Variants in CTSC observed in about 807,000 individuals in gnomAD.
The protein encoded by CTSC is dipeptidyl peptidase 1.
Under a neutral mutation model 40.9 loss-of-function variants are expected in CTSC, and 37 were observed. The ratio of observed to expected loss-of-function variants is 0.91; its 90% CI spans 0.70 to 1.19. CTSC has a LOEUF of 1.19. Among genes scored for constraint, CTSC ranks in the 50% most tolerant of loss-of-function variants. The pLI, the probability that CTSC is intolerant of heterozygous loss-of-function variation, is 0.00. For missense variants in CTSC, 594 were observed against 567.3 expected (o/e 1.05, Z -0.48); for synonymous variants, 232 against 207.4 (o/e 1.12, Z -1.02).
chr11:88,311,647 C>G (rs1427271824), intron 3 of CTSC, among the ~76,000 whole-genome samples: 1 of 152,078 alleles, frequency 6.6e-6, no homozygotes, highest in Non-Finnish European at 1.5e-5. Context: ...AAATTCTAAC[C>G]CCCTGTATCA....
At chr11:88,322,826 A>C (rs1436714996) in intron 2 of CTSC, 1 of 152,186 alleles carries the variant, frequency 6.6e-6, no homozygotes, top group Non-Finnish European at 1.5e-5. Context: ...TTACAGTTGA[A>C]TTCTACCAGA....
At chr11:88,327,987 T>C (rs1369168780) in intron 2 of CTSC, 2 of 738,156 alleles carry the variant, frequency 2.7e-6, no homozygotes, top group African/African-American at 3.5e-5. Flanking sequence ...AAGAAATTCA[T>C]AAGAAAACCA....
At chr11:88,312,283 C>T in intron 3 of CTSC, 105 bp downstream of exon 3, 1 of 1,110,796 alleles carries the variant, frequency 9.0e-7, no homozygotes, top group Non-Finnish European at 1.4e-6. Context: ...TATTTCTAAG[C>T]CAAAGATATT....
intron 2 of CTSC, among the ~76,000 whole-genome samples, chr11:88,315,432 T>G (rs1209187513): frequency 6.6e-6 from 1 of 152,222 alleles, no homozygotes; most frequent in Non-Finnish European, 1.5e-5. Flanking sequence ...AGGAATAATG[T>G]GTAACATTGT....
chr11:88,334,396 C>G (rs1347939082), intron 2 of CTSC, among the ~76,000 whole-genome samples: 1 of 152,178 alleles, frequency 6.6e-6, no homozygotes, highest in Non-Finnish European at 1.5e-5. Flanking sequence ...ACTTGGCTAC[C>G]TTTCACTTTA....
chr11:88,308,438 A>G (rs1238789268), intron 4 of CTSC, among the ~76,000 whole-genome samples: 1 of 152,122 alleles, frequency 6.6e-6, no homozygotes, highest in African/African-American at 2.4e-5. Flanking sequence ...TTTTTGAAAT[A>G]TCTTTTCAGG....
At chr11:88,317,697 G>A (rs76085538) in intron 2 of CTSC, among the ~76,000 whole-genome samples, 3,572 of 152,248 alleles carry the variant, frequency 0.023, 152 homozygotes, top group African/African-American at 0.081. Flanking sequence ...AGAAGTTGAA[G>A]TTTTGACCCC....
rs1591231862 is a variant in CTSC, at chr11:88,315,420, A to C, written c.319-2866T>G. Among the ~76,000 whole-genome samples the C allele has an allele frequency of 2.0e-5, 3 of 152,352 alleles. No individual in the cohort carries two copies. In the East Asian group the frequency reaches 5.8e-4, roughly 29 times the overall value. On this transcript the variant is annotated intron_variant, in intron 2 of 6. Coordinates refer to ENST00000227266, the MANE Select transcript of CTSC (RefSeq NM_001814.6). ...AAAGTATTAGGTAAACAATTTATTC[A>C]AAGGAATAATGTGTAACATTGTATA...
At chr11:88,310,881 T>C (rs553385280) in intron 3 of CTSC, among the ~76,000 whole-genome samples, 1 of 94,998 alleles carries the variant, frequency 1.1e-5, no homozygotes, top group Admixed American at 1.2e-4. Flanking sequence ...CTGTAGATAT[T>C]TGAGGAGCAG....
intron 2 of CTSC, among the ~76,000 whole-genome samples, chr11:88,314,496 T>G (rs1429222841): frequency 1.3e-5 from 2 of 152,186 alleles, no homozygotes; most frequent in Non-Finnish European, 2.9e-5. Context: ...GCTACTCATA[T>G]CCGCATCTTG....
In CTSC at chr11:88,312,500, A is replaced by G. The variant is rs1937787102; in HGVS notation, c.373T>C (p.Trp125Arg). The G allele has an allele frequency of 6.2e-7, 1 of 1,614,030 alleles. No individual in the cohort carries two copies. Among genetic ancestry groups the G allele is most frequent in the Non-Finnish European group, 8.5e-7 (1 of 1,180,024 alleles). ...TTYCNETMTG[W>R]VHDVLGRNWA... ...TTCCGGCCCAACACATCATGCACCC[A>G]CCCAGTCATTGTCTCGTTGCAGTAA... Residue 125 changes from tryptophan (W) to arginine (R), a missense_variant, in exon 3 of 7, where the codon TGG (tryptophan) becomes CGG (arginine). Physicochemically the swap from Trp to Arg is moderately radical, Grantham distance 101. Transcript: ENST00000227266.
chr11:88,294,568 AT>A lies in CTSC; in HGVS notation c.890-61del. 27 of 1,591,020 alleles carry A rather than the reference AT, an allele frequency of 1.7e-5. No individual in the cohort carries two copies. The South Asian group carries it at 2.9e-4, about 17-fold the overall frequency. ...TAGAAAAAGGATTATCCCATTTTCT[AT>A]TTTTTCTTCTTTGCTCCATTATTCT... On this transcript the variant is annotated intron_variant, in intron 6 of 6. Transcript: ENST00000227266.
intron 2 of CTSC, chr11:88,325,884 G>C: frequency 1.0e-6 from 1 of 987,906 alleles, no homozygotes; most frequent in Non-Finnish European, 1.2e-6. Context: ...AATCTCAAGA[G>C]ATCCAAGGGC....
intron 1 of CTSC, 149 bp from the exon 2 acceptor site, chr11:88,335,231 C>G: frequency 1.5e-6 from 1 of 658,146 alleles, no homozygotes; most frequent in African/African-American, 1.8e-5. Flanking sequence ...ACCAGAGGCT[C>G]CATCTTGTTG....
chr11:88,303,914 C>G (rs1056059867), intron 4 of CTSC, among the ~76,000 whole-genome samples: 18 of 148,190 alleles, frequency 1.2e-4, no homozygotes, highest in African/African-American at 4.0e-4. Flanking sequence ...GGAAGAAGAT[C>G]AGAGAGAGAG....
chr11:88,316,556 TACTA>T (rs1217678671), intron 2 of CTSC, among the ~76,000 whole-genome samples: 1 of 152,212 alleles, frequency 6.6e-6, no homozygotes, highest in Non-Finnish European at 1.5e-5. Flanking sequence ...GTTTTATGTA[TACTA>T]ACTCATTTAT....
intron 2 of CTSC, chr11:88,328,041 T>C (rs555412345): frequency 1.7e-5 from 16 of 966,348 alleles, no homozygotes; most frequent in Middle Eastern, 2.1e-4. Flanking sequence ...GGCATTAATT[T>C]GCATAAGCCA....
chr11:88,324,504 AAATT>A (rs1400943627), intron 2 of CTSC: 1 of 982,708 alleles, frequency 1.0e-6, no homozygotes. Context: ...GAATCCTACA[AAATT>A]AATTCTTTGT....
At chr11:88,311,151 G>A (rs1011456803) in intron 3 of CTSC, among the ~76,000 whole-genome samples, 1 of 152,200 alleles carries the variant, frequency 6.6e-6, no homozygotes, top group Non-Finnish European at 1.5e-5. Flanking sequence ...CTCCGGTTGG[G>A]AGCTTCTTCA....
Sources: gnomAD v4.1 joint callset for allele counts (sites outside exome capture counted in the v4.1 genomes callset) on GRCh38, gnomAD v4.1.1 for gene constraint, MANE v1.5 for transcripts, NCBI Gene and HGNC (gene_info 2026-07-23, HGNC 2026-07-21) for gene names.